Variants in CCSER1 observed in about 807,000 individuals in gnomAD.
CCSER1 encodes the protein coiled-coil serine rich protein 1.
CCSER1 carries 41 observed loss-of-function variants against 82.0 expected under a neutral mutation model. That is an observed-to-expected ratio of 0.50 (90% confidence interval 0.39 to 0.65). CCSER1 has a LOEUF of 0.65. CCSER1 is among the 30% of genes least tolerant of loss of function. The pLI is 0.00. For missense variants in CCSER1, 1,119 were observed against 1,064.2 expected (o/e 1.05, Z -0.72); for synonymous variants, 414 against 383.9 (o/e 1.08, Z -0.92).
chr4:90,128,841 C>G (rs1473017019), intron 1 of CCSER1, among the ~76,000 whole-genome samples: 1 of 152,012 alleles, frequency 6.6e-6, no homozygotes, highest in Non-Finnish European at 1.5e-5. Context: ...CTCTCTCTCT[C>G]TCTCCTCTCC....
intron 10 of CCSER1, among the ~76,000 whole-genome samples, chr4:91,264,332 G>T (rs1741411105): frequency 6.6e-6 from 1 of 151,748 alleles, no homozygotes; most frequent in African/African-American, 2.4e-5. Context: ...AATCATGGTT[G>T]TAGTTAGTAT....
chr4:90,882,947 T>C (rs1047259603), intron 8 of CCSER1, among the ~76,000 whole-genome samples: 4 of 152,108 alleles, frequency 2.6e-5, no homozygotes, highest in Admixed American at 2.0e-4. Flanking sequence ...TAGAGCAATA[T>C]TTATCAAGTA....
At chr4:90,956,102 GT>G (rs1247124825) in intron 9 of CCSER1, among the ~76,000 whole-genome samples, 1 of 152,054 alleles carries the variant, frequency 6.6e-6, no homozygotes, top group African/African-American at 2.4e-5. Context: ...CATCATAAGT[GT>G]TTAGTAAATA....
intron 10 of CCSER1, among the ~76,000 whole-genome samples, chr4:91,513,796 A>T (rs1010668584): frequency 1.3e-5 from 2 of 151,762 alleles, no homozygotes; most frequent in African/African-American, 4.8e-5. Context: ...TTTCTGTGGG[A>T]TTGTTTGTAA....
At chr4:91,321,434 G>T (rs191141918) in intron 10 of CCSER1, among the ~76,000 whole-genome samples, 1 of 152,138 alleles carries the variant, frequency 6.6e-6, no homozygotes, top group Non-Finnish European at 1.5e-5. Flanking sequence ...TTGGGAAGTA[G>T]AAAATTCCAA....
chr4:91,566,494 T>C (rs754944161), intron 10 of CCSER1, among the ~76,000 whole-genome samples: 10 of 152,138 alleles, frequency 6.6e-5, no homozygotes, highest in Non-Finnish European at 1.5e-4. Context: ...TCTGGTAGAA[T>C]TCAGCTGTTA....
chr4:91,099,812 G>A (rs745655449), intron 10 of CCSER1, among the ~76,000 whole-genome samples: 3 of 152,116 alleles, frequency 2.0e-5, no homozygotes, highest in East Asian at 3.9e-4. Flanking sequence ...GTTCTTTTGA[G>A]GTCTTATAGT....
intron 7 of CCSER1, among the ~76,000 whole-genome samples, chr4:90,760,870 G>A (rs1307628947): frequency 6.6e-6 from 1 of 152,014 alleles, no homozygotes; most frequent in African/African-American, 2.4e-5. Context: ...CATATACAGG[G>A]AGCAAACAAA....
intron 1 of CCSER1, among the ~76,000 whole-genome samples, chr4:90,184,243 A>T (rs953557929): frequency 1.3e-5 from 2 of 152,160 alleles, no homozygotes; most frequent in African/African-American, 2.4e-5. Context: ...AAAGAAATAG[A>T]CAAGAAGGCT....
At chr4:90,423,665 C>T (rs1041487496) in intron 4 of CCSER1, among the ~76,000 whole-genome samples, 4 of 151,992 alleles carry the variant, frequency 2.6e-5, no homozygotes, top group Admixed American at 1.3e-4. Context: ...TTAGTAGAGA[C>T]GGGATTTTAC....
At chr4:91,469,975 C>T (rs1428778557) in intron 10 of CCSER1, among the ~76,000 whole-genome samples, 1 of 152,158 alleles carries the variant, frequency 6.6e-6, no homozygotes, top group African/African-American at 2.4e-5. Context: ...CATTCCTACA[C>T]ATTCTAATGT....
chr4:91,441,729 C>A (rs1471028438), intron 10 of CCSER1, among the ~76,000 whole-genome samples: 1 of 152,142 alleles, frequency 6.6e-6, no homozygotes, highest in Non-Finnish European at 1.5e-5. Context: ...ACCCCATTGT[C>A]TCAGCCCAAA....
chr4:90,197,230 A>G lies in CCSER1; in HGVS notation c.-42+69399A>G, dbSNP rs570602676. Among the ~76,000 whole-genome samples the G allele has an allele frequency of 1.6e-4, 25 of 152,274 alleles. No individual in the cohort carries two copies. The South Asian group carries it at 4.4e-3, about 27-fold the overall frequency. ...ATTAAAGAGATGGATAGGTTAAGGT[A>G]TGGTAGAAGGGGTGCCACAGTCCAG... On this transcript the variant is annotated intron_variant, in intron 1 of 10. Coordinates refer to ENST00000509176, the MANE Select transcript of CCSER1 (RefSeq NM_001145065.2).
intron 3 of CCSER1, among the ~76,000 whole-genome samples, chr4:90,317,927 C>T (rs2153484943): frequency 6.6e-6 from 1 of 152,292 alleles, no homozygotes. Flanking sequence ...AAACTAGAAA[C>T]AAAAGCAGCC....
chr4:91,019,806 C>G (rs1739762305), intron 9 of CCSER1, among the ~76,000 whole-genome samples: 1 of 152,176 alleles, frequency 6.6e-6, no homozygotes, highest in Non-Finnish European at 1.5e-5. Flanking sequence ...ATATGCCAGA[C>G]TGGCTTTAGA....
chr4:90,931,419 A>G (rs181050124), intron 9 of CCSER1, among the ~76,000 whole-genome samples: 1 of 152,266 alleles, frequency 6.6e-6, no homozygotes, highest in African/African-American at 2.4e-5. Flanking sequence ...ATTTTATTAT[A>G]CTTGGTACAT....
intron 10 of CCSER1, among the ~76,000 whole-genome samples, chr4:91,142,081 G>C (rs926962406): frequency 1.3e-5 from 2 of 152,026 alleles, no homozygotes; most frequent in Non-Finnish European, 2.9e-5. Context: ...ATATGGTTTT[G>C]TTGTGTCCCC....
At chr4:90,988,564 GATAAA>G (rs1443485309) in intron 9 of CCSER1, among the ~76,000 whole-genome samples, 1 of 151,566 alleles carries the variant, frequency 6.6e-6, no homozygotes, top group Non-Finnish European at 1.5e-5. Flanking sequence ...TATCTGATAA[GATAAA>G]ATAACAAAGT....
intron 7 of CCSER1, chr4:90,724,668 A>T (rs1029270199): frequency 2.8e-5 from 11 of 386,618 alleles, no homozygotes; most frequent in Non-Finnish European, 5.1e-5. Context: ...ATAAATAAAA[A>T]CAATTCTTAA....
Sources: gnomAD v4.1 joint callset for allele counts (sites outside exome capture counted in the v4.1 genomes callset) on GRCh38, gnomAD v4.1.1 for gene constraint, MANE v1.5 for transcripts, NCBI Gene and HGNC (gene_info 2026-07-23, HGNC 2026-07-21) for gene names.